The following CNTNAP2 variants were observed in gnomAD, a reference collection of about 807,000 sequenced individuals.
The protein encoded by CNTNAP2 is contactin-associated protein-like 2.
Under a neutral mutation model 155.2 loss-of-function variants are expected in CNTNAP2, and 98 were observed. The observed-to-expected ratio is 0.63, with a 90% CI of 0.54 to 0.75. CNTNAP2 has a LOEUF of 0.75. Ranked by LOEUF, CNTNAP2 falls within the 30% of genes least tolerant of loss-of-function variation. CNTNAP2 has a pLI of 0.00. For missense variants in CNTNAP2, 1,727 were observed against 1,688.1 expected (o/e 1.02, Z -0.40); for synonymous variants, 651 against 631.2 (o/e 1.03, Z -0.47).
At chr7:147,087,585 T>C (rs929937775) in intron 4 of CNTNAP2, among the ~76,000 whole-genome samples, 19 of 152,184 alleles carry the variant, frequency 1.2e-4, no homozygotes, top group African/African-American at 3.9e-4. Flanking sequence ...GTAAAATGGA[T>C]ACTACAGAAA....
chr7:147,698,379 C>T (rs1796190727), intron 13 of CNTNAP2, among the ~76,000 whole-genome samples: 1 of 152,132 alleles, frequency 6.6e-6, no homozygotes, highest in African/African-American at 2.4e-5. Context: ...GGGGCTCCAA[C>T]ACACCACTAC....
chr7:147,078,447 T>A (rs1213989144), intron 4 of CNTNAP2, among the ~76,000 whole-genome samples: 1 of 152,196 alleles, frequency 6.6e-6, no homozygotes, highest in Non-Finnish European at 1.5e-5. Context: ...CCCCGATGAC[T>A]GTTTTTCTCC....
chr7:146,738,637 A>G (rs1402436539), intron 1 of CNTNAP2, among the ~76,000 whole-genome samples: 2 of 151,824 alleles, frequency 1.3e-5, no homozygotes, highest in Non-Finnish European at 2.9e-5. Flanking sequence ...TAGTAGTCTC[A>G]AAGTTGTGGG....
At chr7:147,496,183 G>A (rs184704049) in intron 11 of CNTNAP2, among the ~76,000 whole-genome samples, 1 of 139,160 alleles carries the variant, frequency 7.2e-6, no homozygotes, top group East Asian at 2.4e-4. Flanking sequence ...GAAATAAATT[G>A]CAAAATAAAT....
chr7:146,535,775 C>G (rs1797859601), intron 1 of CNTNAP2, among the ~76,000 whole-genome samples: 1 of 151,786 alleles, frequency 6.6e-6, no homozygotes, highest in African/African-American at 2.4e-5. Context: ...CCTTGCTGTC[C>G]CCACTTGTAG....
chr7:147,195,323 G>A (rs527833849), intron 8 of CNTNAP2, among the ~76,000 whole-genome samples: 1 of 152,128 alleles, frequency 6.6e-6, no homozygotes, highest in African/African-American at 2.4e-5. Context: ...GGTTACTGTG[G>A]TCTTATAGGA....
chr7:147,586,720 C>T (rs1800633880), intron 12 of CNTNAP2, among the ~76,000 whole-genome samples: 1 of 152,106 alleles, frequency 6.6e-6, no homozygotes, highest in Admixed American at 6.6e-5. Context: ...GTTCCTTGCA[C>T]AAGGGCAGCC....
intron 15 of CNTNAP2, among the ~76,000 whole-genome samples, chr7:148,020,840 C>A (rs932614941): frequency 6.6e-6 from 1 of 152,172 alleles, no homozygotes; most frequent in Non-Finnish European, 1.5e-5. Flanking sequence ...AGGAGCCCAG[C>A]ATGACTTGAA....
intron 1 of CNTNAP2, among the ~76,000 whole-genome samples, chr7:146,243,738 T>C (rs1799599467): frequency 1.3e-5 from 2 of 152,186 alleles, no homozygotes; most frequent in African/African-American, 4.8e-5. Flanking sequence ...GGATTATTAA[T>C]ATGAATCTCA....
intron 21 of CNTNAP2, among the ~76,000 whole-genome samples, chr7:148,379,686 T>A (rs11976128): frequency 0.24 from 36,500 of 152,190 alleles, 4,835 homozygotes; most frequent in African/African-American, 0.34. Flanking sequence ...CACTCCAGCC[T>A]GGATGACAGA....
chr7:147,151,487 T>G (rs1301035314), intron 8 of CNTNAP2, among the ~76,000 whole-genome samples: 1 of 152,192 alleles, frequency 6.6e-6, no homozygotes, highest in African/African-American at 2.4e-5. Context: ...CTATAATTTT[T>G]TTCAGCTAAT....
In CNTNAP2 at chr7:148,415,970, AAGAGCCCTT is replaced by A. The variant is rs1261182900; in HGVS notation, c.*358_*366del. The A allele has an allele frequency of 3.4e-6, 1 of 298,406 alleles. No homozygotes were observed. Among genetic ancestry groups the A allele is most frequent in the African/African-American group, 2.2e-5 (1 of 46,106 alleles). The allele number at this position is 298,406 out of a possible 1,614,324, so 18.5% of individuals were successfully genotyped here. On this transcript the variant is annotated 3_prime_UTR_variant, in exon 24 of 24. Coordinates refer to ENST00000361727, the MANE Select transcript of CNTNAP2 (RefSeq NM_014141.6). Reference sequence around the variant, plus strand: ...AACAGGGCAAGTTTTCTACGTTTTTAAGAGCCCTTAGAACGTGGGTATTTTTTTTCTTGA... The same window carrying A: ...AACAGGGCAAGTTTTCTACGTTTTTAAGAACGTGGGTATTTTTTTTCTTGA...
intron 1 of CNTNAP2, among the ~76,000 whole-genome samples, chr7:146,606,947 T>A (rs888998655): frequency 6.6e-6 from 1 of 152,168 alleles, no homozygotes; most frequent in Non-Finnish European, 1.5e-5. Flanking sequence ...TTTTGTATAG[T>A]CATAAAGTAT....
chr7:146,871,956 T>A (rs1444540640), intron 3 of CNTNAP2, among the ~76,000 whole-genome samples: 2 of 152,136 alleles, frequency 1.3e-5, no homozygotes, highest in Non-Finnish European at 2.9e-5. Context: ...TAATTATGTT[T>A]TCTTCTACAT....
chr7:148,042,723 CTG>C (rs1234250303), intron 15 of CNTNAP2, among the ~76,000 whole-genome samples: 2 of 152,218 alleles, frequency 1.3e-5, no homozygotes, highest in East Asian at 3.8e-4. Flanking sequence ...TTATTCCAGG[CTG>C]TTCGCTGTTT....
chr7:147,816,209 G>A (rs1798263893), intron 13 of CNTNAP2, among the ~76,000 whole-genome samples: 1 of 151,826 alleles, frequency 6.6e-6, no homozygotes, highest in African/African-American at 2.4e-5. Context: ...AGCATCTCAA[G>A]GTTTCTGTGG....
intron 15 of CNTNAP2, among the ~76,000 whole-genome samples, chr7:148,028,065 T>G (rs773087487): frequency 9.2e-5 from 14 of 152,198 alleles, no homozygotes; most frequent in Admixed American, 3.3e-4. Flanking sequence ...CCTTAACATA[T>G]GAAATAATCT....
intron 18 of CNTNAP2, among the ~76,000 whole-genome samples, chr7:148,178,575 G>A (rs1206091838): frequency 6.6e-6 from 1 of 152,140 alleles, no homozygotes; most frequent in African/African-American, 2.4e-5. Context: ...ATTGTTTATA[G>A]CAAATTCAAG....
At chr7:146,181,562 T>A (rs1317275415) in intron 1 of CNTNAP2, among the ~76,000 whole-genome samples, 3 of 152,094 alleles carry the variant, frequency 2.0e-5, no homozygotes, top group Non-Finnish European at 2.9e-5. Context: ...ATCCAATAAC[T>A]TTTTTTCTCT....
Sources: allele counts gnomAD v4.1 joint callset (sites outside exome capture counted in the v4.1 genomes callset), GRCh38; gene constraint gnomAD v4.1.1; transcripts MANE v1.5; gene names NCBI Gene and HGNC (gene_info 2026-07-23, HGNC 2026-07-21).